The following CARMIL1 variants were observed in gnomAD, a reference collection of about 807,000 sequenced individuals.
CARMIL1 encodes the protein F-actin-uncapping protein LRRC16A.
In CARMIL1, 90 loss-of-function variants were observed where a neutral mutation model predicts 177.1. The ratio of observed to expected loss-of-function variants is 0.51; its 90% CI spans 0.43 to 0.61. CARMIL1 has a LOEUF of 0.61. Ranked by LOEUF, CARMIL1 falls within the 20% of genes least tolerant of loss-of-function variation. CARMIL1 has a pLI of 0.00. For synonymous variants in CARMIL1, 577 were observed against 606.2 expected (o/e 0.95, Z 0.71); for missense variants, 1,380 against 1,667.0 (o/e 0.83, Z 3.00).
Position 25,519,885 on chromosome 6 carries a change from C to T in CARMIL1, c.1875-359C>T, listed in dbSNP as rs114138955. Among the ~76,000 whole-genome samples the T allele has an allele frequency of 2.9e-3, 443 of 152,310 alleles. 5 individuals are homozygous for T. The highest frequency in any genetic ancestry group is 9.6e-3 in the African/African-American group (400 of 41,572). On this transcript the variant is annotated intron_variant, in intron 22 of 36. Coordinates refer to ENST00000329474, the MANE Select transcript of CARMIL1 (RefSeq NM_017640.6). ...GAGTCAGATCTATTGGTTACTAAAACCCATGTAGCAAGTTGATGCTGGACT... is the reference window on the plus strand; with the variant it reads ...GAGTCAGATCTATTGGTTACTAAAATCCATGTAGCAAGTTGATGCTGGACT...
intron 5 of CARMIL1, among the ~76,000 whole-genome samples, chr6:25,439,499 T>C (rs1797535478): frequency 6.6e-6 from 1 of 152,062 alleles, no homozygotes; most frequent in South Asian, 2.1e-4. Flanking sequence ...CAAATGGAGT[T>C]GGGTAAGGAC....
intron 11 of CARMIL1, among the ~76,000 whole-genome samples, chr6:25,476,563 G>A (rs1801594387): frequency 6.6e-6 from 1 of 152,148 alleles, no homozygotes; most frequent in Non-Finnish European, 1.5e-5. Context: ...ACCTGAAGAT[G>A]ATTGGTAGCT....
intron 2 of CARMIL1, among the ~76,000 whole-genome samples, chr6:25,380,639 G>T (rs1791435106): frequency 6.6e-6 from 1 of 152,150 alleles, no homozygotes; most frequent in Non-Finnish European, 1.5e-5. Context: ...ATATGAATTT[G>T]TAAATAAATC....
At chr6:25,421,660 G>A (rs548915350) in intron 3 of CARMIL1, among the ~76,000 whole-genome samples, 1,966 of 147,122 alleles carry the variant, frequency 0.013, 32 homozygotes, top group Middle Eastern at 0.042. Flanking sequence ...TTAAGAAAAT[G>A]TGGCACATAT....
At chr6:25,332,742 T>TACACACACACACACACACAC (rs35133749) in intron 2 of CARMIL1, among the ~76,000 whole-genome samples, 53 of 140,176 alleles carry the variant, frequency 3.8e-4, no homozygotes, top group African/African-American at 4.9e-4. Flanking sequence ...CAAACATGCA[T>TACACACACACACACACACAC]ACACACACAC....
chr6:25,459,221 T>TCTTTCTTTCTTTCTTC (rs1308321016), intron 8 of CARMIL1, among the ~76,000 whole-genome samples: 2 of 71,446 alleles, frequency 2.8e-5, no homozygotes, highest in African/African-American at 1.1e-4. Context: ...TTTCTTTCTT[T>TCTTTCTTTCTTTCTTC]CTTTCTTTCT....
At chr6:25,398,524 G>A (rs1230642198) in intron 2 of CARMIL1, among the ~76,000 whole-genome samples, 3 of 152,178 alleles carry the variant, frequency 2.0e-5, no homozygotes, top group African/African-American at 7.2e-5. Flanking sequence ...CTGTTAGTGG[G>A]TGGGAAGAAG....
intron 2 of CARMIL1, among the ~76,000 whole-genome samples, chr6:25,387,979 A>T (rs988567217): frequency 2.6e-5 from 4 of 152,202 alleles, no homozygotes; most frequent in Non-Finnish European, 5.9e-5. Context: ...CAGAACGATG[A>T]GAGAAACAGT....
chr6:25,451,079 T>C (rs1474960088), intron 8 of CARMIL1, among the ~76,000 whole-genome samples: 1 of 143,022 alleles, frequency 7.0e-6, no homozygotes, highest in Admixed American at 7.4e-5. Flanking sequence ...CTCCAAAGAA[T>C]TGTTTTATAA....
chr6:25,510,111 A>G (rs1250999944), intron 18 of CARMIL1, among the ~76,000 whole-genome samples: 1 of 152,194 alleles, frequency 6.6e-6, no homozygotes, highest in Non-Finnish European at 1.5e-5. Context: ...TGATTGTAGT[A>G]TCATGTTAGT....
At chr6:25,356,359 C>T (rs1216898745) in intron 2 of CARMIL1, among the ~76,000 whole-genome samples, 2 of 152,184 alleles carry the variant, frequency 1.3e-5, no homozygotes, top group African/African-American at 4.8e-5. Flanking sequence ...GCCCGGTCCT[C>T]CTTCTAAGAC....
At chr6:25,614,658 C>G (rs1465967813) in intron 36 of CARMIL1, among the ~76,000 whole-genome samples, 3 of 152,144 alleles carry the variant, frequency 2.0e-5, no homozygotes, top group African/African-American at 7.2e-5. Flanking sequence ...TTTTCATTGA[C>G]TTATATCACT....
intron 23 of CARMIL1, among the ~76,000 whole-genome samples, chr6:25,522,329 G>A (rs775828081): frequency 6.6e-6 from 1 of 152,138 alleles, no homozygotes; most frequent in Non-Finnish European, 1.5e-5. Context: ...CCTTAACATA[G>A]CAGGAAATTC....
intron 2 of CARMIL1, among the ~76,000 whole-genome samples, chr6:25,330,998 A>G (rs1217591607): frequency 6.6e-6 from 1 of 151,108 alleles, no homozygotes; most frequent in Non-Finnish European, 1.5e-5. Flanking sequence ...GATAAATTGT[A>G]GAAAGAAGAA....
chr6:25,555,864 A>C (rs1810564986), intron 28 of CARMIL1, among the ~76,000 whole-genome samples: 1 of 152,050 alleles, frequency 6.6e-6, no homozygotes, highest in South Asian at 2.1e-4. Context: ...ACTTTTTTGC[A>C]TTTGTTTTTT....
chr6:25,506,788 T>C (rs1287754495), intron 17 of CARMIL1, among the ~76,000 whole-genome samples: 1 of 152,192 alleles, frequency 6.6e-6, no homozygotes, highest in African/African-American at 2.4e-5. Context: ...TAGCAGATAA[T>C]TTGGGGGTCA....
intron 24 of CARMIL1, among the ~76,000 whole-genome samples, chr6:25,531,683 C>G (rs1434035805): frequency 6.6e-6 from 1 of 152,134 alleles, no homozygotes; most frequent in African/African-American, 2.4e-5. Context: ...TACTACTAGC[C>G]TAGTATTTTA....
intron 8 of CARMIL1, among the ~76,000 whole-genome samples, chr6:25,459,616 C>CT (rs1799963972): frequency 6.6e-6 from 1 of 151,930 alleles, no homozygotes; most frequent in Admixed American, 6.6e-5. Context: ...CAAAAAAACT[C>CT]TATGTGTAGT....
chr6:25,443,177 A>G (rs9295658), intron 5 of CARMIL1, among the ~76,000 whole-genome samples: 2,430 of 152,320 alleles, frequency 0.016, 48 homozygotes, highest in African/African-American at 0.046. Context: ...TACCTAATTG[A>G]GTTGAATAAT....
Sources: allele counts gnomAD v4.1 joint callset (sites outside exome capture counted in the v4.1 genomes callset), GRCh38; gene constraint gnomAD v4.1.1; transcripts MANE v1.5; gene names NCBI Gene and HGNC (gene_info 2026-07-23, HGNC 2026-07-21).